AGFG1: variants seen among roughly 807,000 people sequenced by gnomAD.
AGFG1 encodes ArfGAP with FG repeats 1.
AGFG1 carries 10 observed loss-of-function variants against 60.6 expected under a neutral mutation model. The observed-to-expected ratio is 0.16, with a 90% confidence interval of 0.10 to 0.28. The LOEUF (loss-of-function observed/expected upper bound fraction) is 0.28. Among genes scored for constraint, AGFG1 ranks in the 10% least tolerant of loss-of-function variants. AGFG1 has a pLI of 1.00. For synonymous variants in AGFG1, 247 were observed against 242.9 expected, an observed-to-expected ratio of 1.02 and a Z score of -0.16; for missense variants, 537 against 676.5, an observed-to-expected ratio of 0.79 and a Z score of 2.29.
At chr2:227,517,968 G>A (rs1052596537) in intron 2 of AGFG1, among the ~76,000 whole-genome samples, 1 of 152,206 alleles carries the variant, frequency 6.6e-6, no homozygotes, top group South Asian at 2.1e-4. Flanking sequence ...TATTTTCATT[G>A]TGCAACCCTT....
intron 10 of AGFG1, among the ~76,000 whole-genome samples, chr2:227,551,714 A>G (rs1692826059): frequency 6.6e-6 from 1 of 152,192 alleles, no homozygotes; most frequent in Admixed American, 6.5e-5. Flanking sequence ...GGGATTTCAA[A>G]CAACAGCTTT....
chr2:227,480,610 T>G (rs1690428905), intron 1 of AGFG1, among the ~76,000 whole-genome samples: 1 of 151,114 alleles, frequency 6.6e-6, no homozygotes, highest in Non-Finnish European at 1.5e-5. Flanking sequence ...TTTTTTTAAC[T>G]GTTTCTGGGT....
chr2:227,499,651 AAAGG>A (rs1210072382), intron 2 of AGFG1, among the ~76,000 whole-genome samples: 1 of 151,844 alleles, frequency 6.6e-6, no homozygotes, highest in East Asian at 1.9e-4. Context: ...AAAAAAAAAA[AAAGG>A]AAGAAAAAAA....
chr2:227,502,581 A>G (rs918793224), intron 2 of AGFG1, among the ~76,000 whole-genome samples: 2 of 152,156 alleles, frequency 1.3e-5, no homozygotes, highest in African/African-American at 2.4e-5. Context: ...TCGGCCTCCC[A>G]AAGTGCTGGG....
chr2:227,523,750 T>G lies in AGFG1; in HGVS notation c.378-13T>G. The G allele has an allele frequency of 1.3e-6, 2 of 1,592,910 alleles. No homozygotes were observed. The highest frequency in any genetic ancestry group is 1.7e-6 in the Non-Finnish European group (2 of 1,166,590). On this transcript the variant is annotated splice_polypyrimidine_tract_variant and intron_variant, in intron 3 of 12. Transcript: ENST00000310078. Reference sequence around the variant, plus strand: ...ACATTTTTTTTTAGTTAACTGTTTTTTACATGTTTTAGGTATGTCCCGCCA... The same window carrying G: ...ACATTTTTTTTTAGTTAACTGTTTTGTACATGTTTTAGGTATGTCCCGCCA...
chr2:227,491,648 G>GT lies in AGFG1; in HGVS notation c.261+23dup, dbSNP rs11289047. The stretch of plus-strand genomic sequence containing the variant: ...CAAAAACATGGAAATGAAGTAAGTG[G>GT]TTTTTTTTTTTTTTTGCAATTTTTG... On this transcript the variant is annotated intron_variant, in intron 2 of 12. Transcript: ENST00000310078. 18,418 of 1,151,904 alleles carry GT rather than the reference G, an allele frequency of 0.016. 1 individual carries two copies. The highest frequency in any genetic ancestry group is 0.018 in the Middle Eastern group (75 of 4,058). The allele number at this position is 1,151,904 out of a possible 1,614,324, so 71.4% of individuals were successfully genotyped here. A position where few individuals can be genotyped will look rare whatever the true frequency, so the allele number is the denominator to read the frequency against.
rs1692965924 is a variant in AGFG1, at chr2:227,556,159, T to G, written c.*1664T>G. The G allele has an allele frequency of 6.6e-6, 1 of 152,234 alleles. No homozygotes were observed. Among genetic ancestry groups the G allele is most frequent in the Non-Finnish European group, 1.5e-5 (1 of 68,038 alleles). 9.4% of individuals were successfully genotyped at this position (152,234 alleles called of 1,614,324 possible). A position where few individuals can be genotyped will look rare whatever the true frequency, so the allele number is the denominator to read the frequency against. On this transcript the variant is annotated 3_prime_UTR_variant, in exon 13 of 13. Coordinates refer to ENST00000310078, the MANE Select transcript of AGFG1 (RefSeq NM_004504.5). Reference sequence around the variant, plus strand: ...ATATTTTAAAAGTTTTATCTTAAATTGATTAAAACTTTTTAAAAAGCTTTG... The same window carrying G: ...ATATTTTAAAAGTTTTATCTTAAATGGATTAAAACTTTTTAAAAAGCTTTG...
chr2:227,485,234 G>A (rs1032796922), intron 1 of AGFG1, among the ~76,000 whole-genome samples: 6 of 131,780 alleles, frequency 4.6e-5, no homozygotes, highest in South Asian at 2.5e-4. Context: ...AAGTTTCACC[G>A]AATCGTTTCT....
At chr2:227,507,630 C>T (rs1419580387) in intron 2 of AGFG1, among the ~76,000 whole-genome samples, 1 of 136,768 alleles carries the variant, frequency 7.3e-6, no homozygotes, top group Non-Finnish European at 1.6e-5. Context: ...AAAAAAAGCG[C>T]CTTTTCACTA....
intron 5 of AGFG1, among the ~76,000 whole-genome samples, chr2:227,528,114 TCTCTC>T (rs1305095972): frequency 1.2e-4 from 18 of 152,212 alleles, no homozygotes; most frequent in African/African-American, 2.4e-4. Context: ...TAGAAAAACT[TCTCTC>T]CAGCCACATT....
chr2:227,483,520 T>A (rs1690530532), intron 1 of AGFG1, among the ~76,000 whole-genome samples: 1 of 152,232 alleles, frequency 6.6e-6, no homozygotes, highest in African/African-American at 2.4e-5. Context: ...CAATTACTGA[T>A]CTGTTCTCCA....
rs559139530 is a variant in AGFG1, at chr2:227,502,031, T to C, written c.261+10391T>C. ...GTGCCACCATGCCTGGCTAATACTG[T>C]TTATTTTTGTAGAGACGAGATCTCA... On this transcript the variant is annotated intron_variant, in intron 2 of 12. Coordinates refer to ENST00000310078, the MANE Select transcript of AGFG1 (RefSeq NM_004504.5). Among the ~76,000 whole-genome samples the C allele has an allele frequency of 7.3e-5, 11 of 151,626 alleles. No individual in the cohort carries two copies. In the South Asian group the frequency reaches 2.3e-3, roughly 32 times the overall value.
chr2:227,507,066 C>G (rs1368088697), intron 2 of AGFG1, among the ~76,000 whole-genome samples: 1 of 152,064 alleles, frequency 6.6e-6, no homozygotes, highest in Non-Finnish European at 1.5e-5. Context: ...CCTACATCCA[C>G]TAATTAGCAA....
At chr2:227,484,688 GTTTTTTTTTTTTTTTTTTTT>G (rs745570416) in intron 1 of AGFG1, among the ~76,000 whole-genome samples, 4 of 25,092 alleles carry the variant, frequency 1.6e-4, no homozygotes, top group East Asian at 3.1e-3. Flanking sequence ...TTTTTTTTTT[GTTTTTTTTTTTTTTTTTTTT>G]TTTTTTTTTT....
chr2:227,520,134 G>T, intron 3 of AGFG1, 71 bp downstream of exon 3: 1 of 895,504 alleles, frequency 1.1e-6, no homozygotes, highest in South Asian at 1.6e-5. Flanking sequence ...AGGTTAGTCT[G>T]ACACAATGAA....
At chr2:227,553,423 G>C (rs1385903046) in intron 11 of AGFG1, among the ~76,000 whole-genome samples, 1 of 150,430 alleles carries the variant, frequency 6.6e-6, no homozygotes, top group Non-Finnish European at 1.5e-5. Context: ...CTGAGCCCTG[G>C]AGGTTGAGGC....
At chr2:227,516,342 A>C (rs1691650073) in intron 2 of AGFG1, among the ~76,000 whole-genome samples, 1 of 152,228 alleles carries the variant, frequency 6.6e-6, no homozygotes, top group Admixed American at 6.5e-5. Flanking sequence ...ACTGGGAATC[A>C]CATATTGAGA....
At chr2:227,554,116 A>G (rs1692900844) in intron 12 of AGFG1, among the ~76,000 whole-genome samples, 1 of 152,218 alleles carries the variant, frequency 6.6e-6, no homozygotes. Flanking sequence ...CCTAGGAATT[A>G]GTGAACATAA....
rs1043132514 is a variant in AGFG1, at chr2:227,500,533, T to C, written c.261+8893T>C. On this transcript the variant is annotated intron_variant, in intron 2 of 12. Transcript: ENST00000310078. Reference sequence around the variant, plus strand: ...CAAGACTCTGGACTTGGGTAGAGAATGCTCAGAGCCATAGCACAATGGCCA... The same window carrying C: ...CAAGACTCTGGACTTGGGTAGAGAACGCTCAGAGCCATAGCACAATGGCCA... Among the ~76,000 whole-genome samples the C allele has an allele frequency of 2.0e-5, 3 of 152,188 alleles. No individual in the cohort carries two copies. In the East Asian group the frequency reaches 5.8e-4, roughly 29 times the overall value.
Sources: gnomAD v4.1 joint callset for allele counts (sites outside exome capture counted in the v4.1 genomes callset) on GRCh38, gnomAD v4.1.1 for gene constraint, MANE v1.5 for transcripts, NCBI Gene and HGNC (gene_info 2026-07-23, HGNC 2026-07-21) for gene names.